Variants in KHDRBS2 observed in about 807,000 individuals in gnomAD.
The protein encoded by KHDRBS2 is KH RNA binding domain containing, signal transduction associated 2, also known as KH domain-containing, RNA-binding, signal transduction-associated protein 2.
Under a neutral mutation model 44.3 loss-of-function variants are expected in KHDRBS2, and 26 were observed. That is an observed-to-expected ratio of 0.59 (90% CI 0.43 to 0.81). The LOEUF (loss-of-function observed/expected upper bound fraction) is 0.81, where lower values mean the gene tolerates loss of function less well. Ranked by LOEUF, KHDRBS2 falls within the 40% of genes least tolerant of loss-of-function variation. The pLI is 0.00. For missense variants in KHDRBS2, 476 were observed against 433.1 expected (o/e 1.10, Z -0.88); for synonymous variants, 194 against 151.1 (o/e 1.28, Z -2.08).
chr6:62,107,924 A>C (rs1803883774), intron 2 of KHDRBS2, among the ~76,000 whole-genome samples: 1 of 152,106 alleles, frequency 6.6e-6, no homozygotes, highest in Non-Finnish European at 1.5e-5. Flanking sequence ...CCTTCCTTAC[A>C]CCTTATACAA....
intron 3 of KHDRBS2, among the ~76,000 whole-genome samples, chr6:61,989,382 AGTTT>A (rs1442320478): frequency 2.0e-5 from 3 of 152,188 alleles, no homozygotes; most frequent in Non-Finnish European, 4.4e-5. Context: ...AGACACAAGA[AGTTT>A]GTTTGTTTTT....
chr6:61,804,613 T>C (rs1272894643), intron 6 of KHDRBS2, among the ~76,000 whole-genome samples: 1 of 152,208 alleles, frequency 6.6e-6, no homozygotes, highest in Non-Finnish European at 1.5e-5. Flanking sequence ...AGCATTTCCA[T>C]ACATCCTCTG....
chr6:61,847,961 C>T (rs184798596), intron 6 of KHDRBS2, among the ~76,000 whole-genome samples: 1 of 152,072 alleles, frequency 6.6e-6, no homozygotes, highest in African/African-American at 2.4e-5. Flanking sequence ...ACTGAAAAGT[C>T]ACTGCCCTTC....
At chr6:61,782,903 T>C (rs1253139452) in intron 6 of KHDRBS2, among the ~76,000 whole-genome samples, 6 of 151,746 alleles carry the variant, frequency 4.0e-5, no homozygotes, top group Admixed American at 1.3e-4. Context: ...ATTCTTCTTA[T>C]GGCAATGGCA....
intron 3 of KHDRBS2, among the ~76,000 whole-genome samples, chr6:62,018,294 T>C (rs1404033789): frequency 4.9e-5 from 7 of 143,136 alleles, no homozygotes; most frequent in Non-Finnish European, 1.1e-4. Context: ...ACACTATATA[T>C]ATATATGTGT....
intron 2 of KHDRBS2, among the ~76,000 whole-genome samples, chr6:62,151,906 G>A (rs2150106059): frequency 6.6e-6 from 1 of 152,324 alleles, no homozygotes; most frequent in African/African-American, 2.4e-5. Context: ...GTTAATATAA[G>A]TATGTGGTCT....
the KHDRBS2 span, among the ~76,000 whole-genome samples, chr6:61,623,660 G>A: frequency 6.6e-6 from 1 of 152,226 alleles, no homozygotes; most frequent in Non-Finnish European, 1.5e-5. Context: ...GAGGGCAGGA[G>A]TATGAAACAT....
chr6:61,827,428 C>A (rs1404025444), intron 6 of KHDRBS2, among the ~76,000 whole-genome samples: 1 of 152,120 alleles, frequency 6.6e-6, no homozygotes, highest in Non-Finnish European at 1.5e-5. Context: ...ACACATGATG[C>A]CTGTTAGGAG....
At chr6:61,562,823 A>G in the KHDRBS2 span, among the ~76,000 whole-genome samples, 2 of 152,144 alleles carry the variant, frequency 1.3e-5, no homozygotes, top group African/African-American at 2.4e-5. Context: ...TACTCCAATT[A>G]TGTGTTAAAG....
intron 1 of KHDRBS2, among the ~76,000 whole-genome samples, chr6:62,204,430 C>G (rs1231477102): frequency 1.3e-5 from 2 of 152,010 alleles, no homozygotes; most frequent in African/African-American, 2.4e-5. Flanking sequence ...CTGGTTGGGA[C>G]CAGAAGAGTT....
chr6:61,910,524 G>A (rs1805863959), intron 4 of KHDRBS2, among the ~76,000 whole-genome samples: 1 of 152,026 alleles, frequency 6.6e-6, no homozygotes, highest in African/African-American at 2.4e-5. Context: ...CCATTACTAA[G>A]GTCACATTGC....
At chr6:61,933,474 C>T (rs749835692) in intron 4 of KHDRBS2, among the ~76,000 whole-genome samples, 26 of 152,246 alleles carry the variant, frequency 1.7e-4, no homozygotes, top group Middle Eastern at 3.4e-3. Context: ...TTTGAATATA[C>T]GTTATGCACT....
chr6:61,702,183 A>G (rs1337267208), intron 7 of KHDRBS2, among the ~76,000 whole-genome samples: 5 of 151,896 alleles, frequency 3.3e-5, no homozygotes, highest in African/African-American at 1.2e-4. Context: ...TCAGCTCAAG[A>G]CTACATTTTC....
chr6:62,270,941 T>A (rs1839995514), intron 1 of KHDRBS2, among the ~76,000 whole-genome samples: 1 of 152,094 alleles, frequency 6.6e-6, no homozygotes. Context: ...ACAGTAATAT[T>A]TTGACTTTAC....
intron 2 of KHDRBS2, among the ~76,000 whole-genome samples, chr6:62,066,122 T>G (rs536386732): frequency 1.3e-5 from 2 of 148,922 alleles, no homozygotes; most frequent in South Asian, 4.3e-4. Context: ...TCAAAAAGAT[T>G]CATTAAAAAT....
rs1808048116 is a variant in KHDRBS2, at chr6:62,122,952, C to A, written c.219+54233G>T. Among the ~76,000 whole-genome samples, 3 of 151,798 alleles carry A rather than the reference C, an allele frequency of 2.0e-5. No homozygotes were observed. The South Asian group carries it at 6.2e-4, about 32-fold the overall frequency. On this transcript the variant is annotated intron_variant, in intron 2 of 8. Coordinates refer to ENST00000281156, the MANE Select transcript of KHDRBS2 (RefSeq NM_152688.4). ...TTCTAGGGTACATGTGAACAACGTGCAGTTTTGTTACATAGGTATACGTGT... is the reference window on the plus strand; with the variant it reads ...TTCTAGGGTACATGTGAACAACGTGAAGTTTTGTTACATAGGTATACGTGT...
intron 6 of KHDRBS2, among the ~76,000 whole-genome samples, chr6:61,841,830 T>C (rs1432463864): frequency 6.6e-6 from 1 of 152,150 alleles, no homozygotes; most frequent in East Asian, 1.9e-4. Flanking sequence ...TTTACAAAGA[T>C]GGAACTTTAA....
chr6:61,926,716 G>A (rs1809040594), intron 4 of KHDRBS2, among the ~76,000 whole-genome samples: 1 of 152,112 alleles, frequency 6.6e-6, no homozygotes, highest in African/African-American at 2.4e-5. Context: ...GTTAGGTATT[G>A]AGTCTGTAGG....
At chr6:62,244,152 T>C (rs1318546759) in intron 1 of KHDRBS2, among the ~76,000 whole-genome samples, 1 of 152,174 alleles carries the variant, frequency 6.6e-6, no homozygotes, top group African/African-American at 2.4e-5. Flanking sequence ...AGGGTTTTTG[T>C]ATCTAAACGT....
Sources: gnomAD v4.1 joint callset for allele counts (sites outside exome capture counted in the v4.1 genomes callset) on GRCh38, gnomAD v4.1.1 for gene constraint, MANE v1.5 for transcripts, NCBI Gene and HGNC (gene_info 2026-07-23, HGNC 2026-07-21) for gene names.